SLC35F2: variants seen among roughly 807,000 people sequenced by gnomAD.
SLC35F2 encodes queuine/queuosine transporter SLC35F2.
A neutral mutation model predicts 38.1 loss-of-function variants in SLC35F2; 25 were observed. That is an observed-to-expected ratio of 0.66 (90% CI 0.48 to 0.92). SLC35F2 has a LOEUF of 0.92. Among genes scored for constraint, SLC35F2 ranks in the 40% least tolerant of loss-of-function variants. The pLI, the probability that SLC35F2 is intolerant of heterozygous loss-of-function variation, is 0.00. For missense variants in SLC35F2, 409 were observed against 452.9 expected (o/e 0.90, Z 0.88); for synonymous variants, 173 against 181.7 (o/e 0.95, Z 0.38).
intron 7 of SLC35F2, among the ~76,000 whole-genome samples, chr11:107,800,533 T>C (rs1400372122): frequency 1.3e-5 from 2 of 152,196 alleles, no homozygotes; most frequent in Non-Finnish European, 2.9e-5. Flanking sequence ...TCTGCTCAAA[T>C]GACTGTCAAG....
chr11:107,794,174 G>A (rs567794), intron 7 of SLC35F2, among the ~76,000 whole-genome samples: 74,118 of 150,554 alleles, frequency 0.49, 18,616 homozygotes, highest in Non-Finnish European at 0.53. Flanking sequence ...TCTGCCTCCC[G>A]GGTTCAAGCG....
intron 1 of SLC35F2, among the ~76,000 whole-genome samples, chr11:107,840,510 T>C (rs889591854): frequency 7.9e-5 from 12 of 152,210 alleles, no homozygotes; most frequent in Non-Finnish European, 5.9e-5. Context: ...TCATTGCGGA[T>C]TATCAAAACA....
At chr11:107,804,124 C>A (rs1859359722) in intron 6 of SLC35F2, among the ~76,000 whole-genome samples, 1 of 152,032 alleles carries the variant, frequency 6.6e-6, no homozygotes, top group Admixed American at 6.6e-5. Flanking sequence ...GCGTGAGCCA[C>A]CGCACCAGGC....
chr11:107,807,246 G>C (rs1381821143), intron 3 of SLC35F2, among the ~76,000 whole-genome samples: 2 of 121,604 alleles, frequency 1.6e-5, no homozygotes, highest in African/African-American at 6.1e-5. Flanking sequence ...ATCAGCCTGG[G>C]CAACATGGTG....
Position 107,815,831 on chromosome 11 carries a change from A to T in SLC35F2, c.245T>A (p.Leu82Ter). The stretch of plus-strand genomic sequence containing the variant: ...CATCACTGTATAAATTAGGAACAGC[A>T]AGCAATAATTGATAAAGCTCTGAAG... Reference protein sequence around the residue: ...PMLQSFINYCLLFLIYTVMLA... With the variant: ...PMLQSFINYC Residue 82 changes from leucine (L) to a stop codon, truncating the protein, a stop_gained, in exon 2 of 8, where the codon TTG becomes TAG. Coordinates refer to ENST00000525815, the MANE Select transcript of SLC35F2 (RefSeq NM_017515.5). LOFTEE classifies it high-confidence loss of function. The T allele has an allele frequency of 6.2e-7, 1 of 1,613,696 alleles. No homozygotes were observed. Among genetic ancestry groups the T allele is most frequent in the Non-Finnish European group, 8.5e-7 (1 of 1,179,934 alleles).
At chr11:107,792,851 G>A in intron 7 of SLC35F2, 51 bp from the exon 8 acceptor site, 1 of 1,463,480 alleles carries the variant, frequency 6.8e-7, no homozygotes, top group Non-Finnish European at 9.0e-7. Flanking sequence ...ACACATCTTT[G>A]CTGCTGGCTT....
intron 7 of SLC35F2, among the ~76,000 whole-genome samples, chr11:107,800,568 C>G (rs964016829): frequency 6.6e-6 from 1 of 152,074 alleles, no homozygotes; most frequent in Non-Finnish European, 1.5e-5. Flanking sequence ...GTCAACAATC[C>G]TTTACTGAAG....
At chr11:107,810,226 TGACTTTTGGC>T (rs1859461102) in intron 3 of SLC35F2, 10 of 985,430 alleles carry the variant, frequency 1.0e-5, no homozygotes, top group Non-Finnish European at 1.2e-5. Flanking sequence ...CGTAAGTGCA[TGACTTTTGGC>T]AACCAAATGC....
At chr11:107,814,548 G>A (rs1318334296) in intron 2 of SLC35F2, among the ~76,000 whole-genome samples, 2 of 152,110 alleles carry the variant, frequency 1.3e-5, no homozygotes, top group African/African-American at 4.8e-5. Context: ...GATTTTTAAG[G>A]CAGTGGAGCT....
Position 107,858,742 on chromosome 11 carries a change from G to T in SLC35F2, c.26C>A (p.Pro9His). 7.8e-7 allele frequency: 1 copy of T among 1,279,210 alleles called. No individual in the cohort carries two copies. Among genetic ancestry groups the T allele is most frequent in the East Asian group, 2.9e-5 (1 of 34,178 alleles). 79.2% of individuals were successfully genotyped at this position (1,279,210 alleles called of 1,614,324 possible). Reference protein sequence around the residue: MEADSPAGPGAPEPLAEGA... With the variant: MEADSPAGHGAPEPLAEGA... ...CTCCGCGAGGGGCTCTGGGGCGCCG[G>T]GGCCCGCTGGCGAGTCTGCCTCCAT... Residue 9 changes from proline to histidine, a missense_variant, in exon 1 of 8, where the codon CCC (proline) becomes CAC (histidine). Physicochemically the swap from Pro to His is moderately conservative, Grantham distance 77 (BLOSUM62 -2). Transcript: ENST00000525815.
intron 1 of SLC35F2, among the ~76,000 whole-genome samples, chr11:107,843,846 T>TTA (rs1860050833): frequency 4.4e-5 from 2 of 45,200 alleles, no homozygotes; most frequent in Admixed American, 6.9e-4. Flanking sequence ...CTCTGTATCT[T>TTA]AAAAAAAAAA....
At chr11:107,818,286 C>T (rs1265722709) in intron 1 of SLC35F2, among the ~76,000 whole-genome samples, 2 of 152,016 alleles carry the variant, frequency 1.3e-5, no homozygotes, top group African/African-American at 4.8e-5. Flanking sequence ...CAATAATTAG[C>T]CAGGCACAGT....
intron 1 of SLC35F2, among the ~76,000 whole-genome samples, chr11:107,836,233 CTTTT>C (rs34704393): frequency 0.52 from 78,690 of 151,740 alleles, 21,186 homozygotes; most frequent in African/African-American, 0.68. Context: ...TTTTCTTTTT[CTTTT>C]TTGTTTCCCT....
chr11:107,824,994 A>AT (rs1591197717), intron 1 of SLC35F2, among the ~76,000 whole-genome samples: 1 of 152,192 alleles, frequency 6.6e-6, no homozygotes, highest in Non-Finnish European at 1.5e-5. Flanking sequence ...GTTTAATGTA[A>AT]TTTCGTTTCA....
chr11:107,823,826 G>C (rs1366482893), intron 1 of SLC35F2: 1 of 191,990 alleles, frequency 5.2e-6, no homozygotes, highest in African/African-American at 2.4e-5. Flanking sequence ...CTACTCAGGA[G>C]GCTGAGGCAA....
chr11:107,845,848 G>A (rs185865152), intron 1 of SLC35F2, among the ~76,000 whole-genome samples: 1 of 151,910 alleles, frequency 6.6e-6, no homozygotes, highest in African/African-American at 2.4e-5. Flanking sequence ...CGCTACTCAG[G>A]AGGCTGAGCC....
rs1439792395 is a variant in SLC35F2 at position 107,792,395 on chromosome 11, G to A, written c.*220C>T. The A allele has an allele frequency of 4.0e-6, 2 of 499,130 alleles. No homozygotes were observed. Among genetic ancestry groups the A allele is most frequent in the Non-Finnish European group, 7.0e-6 (2 of 287,594 alleles). The allele number at this position is 499,130 out of a possible 1,614,324, so 30.9% of individuals were successfully genotyped here. Reference sequence around the variant, plus strand: ...ATCTCCTCAACACGAACAGATATTGGTCCTCAAACACAGAAACACACTCTT... The same window carrying A: ...ATCTCCTCAACACGAACAGATATTGATCCTCAAACACAGAAACACACTCTT... On this transcript the variant is annotated 3_prime_UTR_variant, in exon 8 of 8. Coordinates refer to ENST00000525815, the MANE Select transcript of SLC35F2 (RefSeq NM_017515.5).
chr11:107,849,268 G>C (rs544448577), intron 1 of SLC35F2, among the ~76,000 whole-genome samples: 3 of 152,132 alleles, frequency 2.0e-5, no homozygotes, highest in African/African-American at 7.2e-5. Context: ...TGGGGTCGGG[G>C]ATAGATGGAG....
In SLC35F2 at chr11:107,791,980, CA is replaced by C. The variant is rs1859139907; in HGVS notation, c.*634del. The C allele has an allele frequency of 1.3e-5, 2 of 151,930 alleles. No individual in the cohort carries two copies. The highest frequency in any genetic ancestry group is 1.3e-4 in the Admixed American group (2 of 15,226). 9.4% of individuals were successfully genotyped at this position (151,930 alleles called of 1,614,324 possible). Reference sequence around the variant, plus strand: ...TGCACTCTAGACTCTGCATCTCAAACAAACAAAAAAACAATTGTGGGAAGGT... The same window carrying C: ...TGCACTCTAGACTCTGCATCTCAAACAACAAAAAAACAATTGTGGGAAGGT... On this transcript the variant is annotated 3_prime_UTR_variant, in exon 8 of 8. Coordinates refer to ENST00000525815, the MANE Select transcript of SLC35F2 (RefSeq NM_017515.5).
Sources: allele counts gnomAD v4.1 joint callset (sites outside exome capture counted in the v4.1 genomes callset), GRCh38; gene constraint gnomAD v4.1.1; transcripts MANE v1.5; gene names NCBI Gene and HGNC (gene_info 2026-07-23, HGNC 2026-07-21).